ASH1L: variants seen among roughly 807,000 people sequenced by gnomAD.
ASH1L encodes histone-lysine N-methyltransferase ASH1L.
In ASH1L, 23 loss-of-function variants were observed where a neutral mutation model predicts 269.0. The observed-to-expected ratio is 0.09, with a 90% CI of 0.06 to 0.12. ASH1L has a LOEUF of 0.12. ASH1L is among the 10% of genes least tolerant of loss of function. ASH1L has a pLI of 1.00. For missense variants in ASH1L, 2,912 were observed against 3,567.8 expected, an observed-to-expected ratio of 0.82 and a Z score of 4.68; for synonymous variants, 1,187 against 1,253.5, an observed-to-expected ratio of 0.95 and a Z score of 1.12.
intron 13 of ASH1L, 145 bp from the exon 14 acceptor site, chr1:155,357,894 C>A: frequency 1.4e-6 from 1 of 729,422 alleles, no homozygotes; most frequent in Non-Finnish European, 2.1e-6. Flanking sequence ...TCTCAGCCTC[C>A]CCAGTAGCTG....
intron 2 of ASH1L, among the ~76,000 whole-genome samples, chr1:155,493,388 G>C (rs933886364): frequency 6.6e-6 from 1 of 151,614 alleles, no homozygotes; most frequent in South Asian, 2.1e-4. Context: ...CGTGTTTCTG[G>C]GTATTTATAT....
intron 2 of ASH1L, among the ~76,000 whole-genome samples, chr1:155,509,201 CG>C (rs1668006981): frequency 6.6e-6 from 1 of 152,010 alleles, no homozygotes; most frequent in Non-Finnish European, 1.5e-5. Context: ...TCATGGTGGC[CG>C]GGTGCCATGG....
chr1:155,371,277 G>A (rs1426870167), intron 10 of ASH1L, among the ~76,000 whole-genome samples: 1 of 152,178 alleles, frequency 6.6e-6, no homozygotes, highest in African/African-American at 2.4e-5. Context: ...GCTGGGCAAG[G>A]TGGCTCATGC....
At chr1:155,540,446 G>C (rs1004191244) in intron 1 of ASH1L, among the ~76,000 whole-genome samples, 1 of 152,110 alleles carries the variant, frequency 6.6e-6, no homozygotes, top group Non-Finnish European at 1.5e-5. Context: ...GTTGTGAGCA[G>C]AGCAAGAGCA....
chr1:155,553,973 T>C (rs1272985452), intron 1 of ASH1L, among the ~76,000 whole-genome samples: 1 of 151,674 alleles, frequency 6.6e-6, no homozygotes, highest in Non-Finnish European at 1.5e-5. Context: ...ATTTTTGTAT[T>C]TTTAGTGGAG....
chr1:155,392,162 T>A (rs1034825403), intron 7 of ASH1L, among the ~76,000 whole-genome samples: 2 of 151,998 alleles, frequency 1.3e-5, no homozygotes, highest in African/African-American at 4.8e-5. Flanking sequence ...GTTTAGGGGG[T>A]CAGTTACCTA....
chr1:155,348,992 TATTTTCTTGAGGAAA>T (rs1653635901), intron 19 of ASH1L, among the ~76,000 whole-genome samples: 1 of 151,848 alleles, frequency 6.6e-6, no homozygotes, highest in Non-Finnish European at 1.5e-5. Context: ...CACATGTACT[TATTTTCTTGAGGAAA>T]GAAACTACAG....
intron 2 of ASH1L, among the ~76,000 whole-genome samples, chr1:155,484,939 AAAAACAAAAACAAAAAC>A (rs1666217524): frequency 7.5e-6 from 1 of 133,570 alleles, no homozygotes. Flanking sequence ...AAAAAAAAAA[AAAAACAAAAACAAAAAC>A]AAAAACAAAA....
At chr1:155,356,951 C>T (rs893748202) in intron 15 of ASH1L, among the ~76,000 whole-genome samples, 11 of 149,542 alleles carry the variant, frequency 7.4e-5, no homozygotes, top group African/African-American at 2.7e-4. Flanking sequence ...AAAAAATTAG[C>T]CAGGTGTGGT....
intron 3 of ASH1L, among the ~76,000 whole-genome samples, chr1:155,463,559 G>A (rs757579548): frequency 1.6e-4 from 25 of 152,108 alleles, no homozygotes; most frequent in Admixed American, 6.6e-4. Flanking sequence ...TTGCTAGGCC[G>A]AGGTAGCCAG....
intron 1 of ASH1L, among the ~76,000 whole-genome samples, chr1:155,548,308 G>A (rs1055351121): frequency 6.6e-6 from 1 of 152,146 alleles, no homozygotes; most frequent in African/African-American, 2.4e-5. Context: ...GATCACATGA[G>A]GTCAGGAGTT....
At chr1:155,350,668 A>T in intron 17 of ASH1L, among the ~76,000 whole-genome samples, 1 of 152,192 alleles carries the variant, frequency 6.6e-6, no homozygotes, top group East Asian at 1.9e-4. Flanking sequence ...CACACCTGTA[A>T]TCCCAGCACT....
intron 4 of ASH1L, among the ~76,000 whole-genome samples, chr1:155,448,914 T>C (rs1663240525): frequency 6.6e-6 from 1 of 152,044 alleles, no homozygotes; most frequent in South Asian, 2.1e-4. Flanking sequence ...ATTCTTAGAT[T>C]ATCCCACAAA....
At chr1:155,365,718 G>A (rs1319635622) in intron 12 of ASH1L, among the ~76,000 whole-genome samples, 1 of 152,136 alleles carries the variant, frequency 6.6e-6, no homozygotes, top group African/African-American at 2.4e-5. Context: ...GCCAATAAAA[G>A]CCCCTTGGGA....
intron 3 of ASH1L, among the ~76,000 whole-genome samples, chr1:155,472,736 C>T (rs754929626): frequency 3.9e-5 from 6 of 152,180 alleles, no homozygotes; most frequent in Non-Finnish European, 8.8e-5. Context: ...CTAATTGTTG[C>T]CAGATGTTCT....
chr1:155,475,224 C>T lies in ASH1L; in HGVS notation c.4984+2662G>A, dbSNP rs370003747. 3.3e-5 allele frequency among the ~76,000 whole-genome samples: 5 copies of T among 152,192 alleles called. No individual in the cohort carries two copies. The East Asian group carries it at 9.6e-4, about 29-fold the overall frequency. ...TGATCTGGGCTCACTGCAATCTCCG[C>T]CTCCTGGGTTCAAGCGATTCTCCTG... is the stretch of plus-strand genomic sequence containing the variant. On this transcript the variant is annotated intron_variant, in intron 3 of 27. Coordinates refer to ENST00000392403, the MANE Select transcript of ASH1L (RefSeq NM_018489.3).
intron 12 of ASH1L, 120 bp downstream of exon 12, chr1:155,370,384 T>C: frequency 7.9e-7 from 1 of 1,263,780 alleles, no homozygotes; most frequent in Non-Finnish European, 1.1e-6. Context: ...GGATCTGGGG[T>C]AATGGGGAAC....
chr1:155,497,630 G>A (rs957801192), intron 2 of ASH1L, among the ~76,000 whole-genome samples: 7 of 152,182 alleles, frequency 4.6e-5, no homozygotes, highest in South Asian at 4.1e-4. Context: ...CGTTCTGGGG[G>A]AGTCAAAAGT....
Position 155,481,050 on chromosome 1 carries a change from T to C in ASH1L, c.1820A>G (p.Glu607Gly). 6.2e-7 allele frequency: 1 copy of C among 1,614,086 alleles called. No individual in the cohort carries two copies. Among genetic ancestry groups the C allele is most frequent in the South Asian group, 1.1e-5 (1 of 91,076 alleles). The change falls in exon 3 of 28, where the codon GAA becomes GGA. Residue 607 changes from glutamate to glycine, a missense_variant. Physicochemically the swap from Glu to Gly is moderately conservative, Grantham distance 98 (BLOSUM62 -2). This residue lies in a region of ASH1L where 715 missense variants were observed against 721.0 expected (regional missense o/e 0.99). Coordinates refer to ENST00000392403, the MANE Select transcript of ASH1L (RefSeq NM_018489.3). ...ATGACCAACGTTCAAGTGGGTACTT[T>C]CAGAAGTAAACTGGTTCTTTCCAAC... ...ESVGKNQFTS[E>G]STHLNVGHRS...
Sources: allele counts gnomAD v4.1 joint callset (sites outside exome capture counted in the v4.1 genomes callset), GRCh38; gene constraint gnomAD v4.1.1; regional missense constraint gnomAD v4.1.1; transcripts MANE v1.5; gene names NCBI Gene and HGNC (gene_info 2026-07-23, HGNC 2026-07-21).